Variants in SYT13 observed in about 807,000 individuals in gnomAD.
SYT13 encodes the protein synaptotagmin-13.
A neutral mutation model predicts 38.6 loss-of-function variants in SYT13; 21 were observed. The observed-to-expected ratio is 0.54, with a 90% CI of 0.39 to 0.78. The LOEUF is 0.78. SYT13 is among the 30% of genes least tolerant of loss of function. SYT13 has a pLI of 0.00. For missense variants in SYT13, 495 were observed against 548.7 expected, an observed-to-expected ratio of 0.90 and a Z score of 0.98; for synonymous variants, 241 against 237.6, an observed-to-expected ratio of 1.01 and a Z score of -0.13.
chr11:45,269,362 A>G, intron 1 of SYT13: 2 of 936,056 alleles, frequency 2.1e-6, no homozygotes, highest in East Asian at 1.1e-4. Flanking sequence ...ACAAACAAAC[A>G]AAAAACTCCG....
At chr11:45,267,736 C>A (rs1226862449) in intron 1 of SYT13, among the ~76,000 whole-genome samples, 1 of 152,166 alleles carries the variant, frequency 6.6e-6, no homozygotes, top group Non-Finnish European at 1.5e-5. Context: ...AATTGTGAAG[C>A]CATGTGCCCT....
intron 1 of SYT13, among the ~76,000 whole-genome samples, chr11:45,259,654 C>G (rs766596269): frequency 6.6e-5 from 10 of 152,188 alleles, no homozygotes; most frequent in Non-Finnish European, 1.3e-4. Flanking sequence ...CCATCCCATC[C>G]CCAGCTCCCA....
At chr11:45,275,711 G>T (rs539606193) in intron 1 of SYT13, among the ~76,000 whole-genome samples, 145 of 152,280 alleles carry the variant, frequency 9.5e-4, no homozygotes, top group Non-Finnish European at 1.8e-3. Context: ...CTGGAGAGGG[G>T]CAAGGCTCCT....
rs541832670 is a variant in SYT13, at chr11:45,269,642, G to A, written c.184-13751C>T. ...ACCTAATTATTTTTACTACAGAGGA[G>A]GAAACTGAGGCTCAGAGAGATTGAA... On this transcript the variant is annotated intron_variant, in intron 1 of 5. Coordinates refer to ENST00000020926, the MANE Select transcript of SYT13 (RefSeq NM_020826.3). 5.2e-4 allele frequency: 189 copies of A among 362,612 alleles called. 1 individual carries two copies. The highest frequency in any genetic ancestry group is 4.5e-3 in the South Asian group (184 of 41,172). 22.5% of individuals were successfully genotyped at this position (362,612 alleles called of 1,614,324 possible). A position where few individuals can be genotyped will look rare whatever the true frequency, so the allele number is the denominator to read the frequency against.
intron 4 of SYT13, among the ~76,000 whole-genome samples, chr11:45,251,592 C>G (rs1306144845): frequency 6.6e-6 from 1 of 152,084 alleles, no homozygotes; most frequent in Non-Finnish European, 1.5e-5. Flanking sequence ...CAAGGAACCA[C>G]AGTGCAGGCC....
In SYT13 at chr11:45,246,469, T is replaced by C; in HGVS notation, c.890A>G (p.Tyr297Cys). The C allele has an allele frequency of 6.2e-7, 1 of 1,613,866 alleles. No individual in the cohort carries two copies. Among genetic ancestry groups the C allele is most frequent in the Non-Finnish European group, 8.5e-7 (1 of 1,179,972 alleles). Reference sequence around the variant, plus strand: ...CAGGAGGCGGTTGGCAGCCGGGAGGTAGCTGATGGATAGTAGGACCTCTCC... The same window carrying C: ...CAGGAGGCGGTTGGCAGCCGGGAGGCAGCTGATGGATAGTAGGACCTCTCC... ...GAGEVLLSIS[Y>C]LPAANRLLVV... The change falls in exon 5 of 6, where the codon TAC becomes TGC. Residue 297 changes from tyrosine (Y) to cysteine (C), a missense_variant. Physicochemically the swap from Tyr to Cys is radical, Grantham distance 194 (BLOSUM62 -2). Transcript: ENST00000020926.
At chr11:45,285,544 T>G (rs530776109) in intron 1 of SYT13, among the ~76,000 whole-genome samples, 38 of 152,238 alleles carry the variant, frequency 2.5e-4, no homozygotes, top group Admixed American at 1.1e-3. Flanking sequence ...TTCTCAGCTC[T>G]GGCAGGACTT....
chr11:45,258,973 G>A (rs1300867417), intron 1 of SYT13, among the ~76,000 whole-genome samples: 1 of 152,140 alleles, frequency 6.6e-6, no homozygotes, highest in Admixed American at 6.5e-5. Flanking sequence ...GGAAGCTCAC[G>A]ATCATACAAC....
At chr11:45,255,608 A>G (rs548469468) in intron 2 of SYT13, 58 bp downstream of exon 2, 2 of 1,530,850 alleles carry the variant, frequency 1.3e-6, no homozygotes, top group South Asian at 1.2e-5. Flanking sequence ...CTACAGAGAC[A>G]TTGACAAGCC....
chr11:45,246,785 C>T (rs142215528), intron 4 of SYT13, among the ~76,000 whole-genome samples: 250 of 152,228 alleles, frequency 1.6e-3, no homozygotes, highest in Non-Finnish European at 2.8e-3. Flanking sequence ...CAAAACAGAA[C>T]AAAGAAAGGC....
At position 45,286,006 on chromosome 11, in the gene SYT13, G is replaced by A; in HGVS notation, c.183+19C>T. The A allele has an allele frequency of 6.3e-7, 1 of 1,598,956 alleles. No homozygotes were observed. Among genetic ancestry groups the A allele is most frequent in the Non-Finnish European group, 8.5e-7 (1 of 1,177,528 alleles). ...ACCCCGCCTTGCCCGGGAAGGGCCT[G>A]CGCGCCGCCCCCGCTCACCTGTTGT... On this transcript the variant is annotated intron_variant, in intron 1 of 5. Coordinates refer to ENST00000020926, the MANE Select transcript of SYT13 (RefSeq NM_020826.3).
Position 45,252,001 on chromosome 11 carries a change from C to T in SYT13, c.846+420G>A, listed in dbSNP as rs1438670006. Among the ~76,000 whole-genome samples, 1 of 152,228 alleles carries T rather than the reference C, an allele frequency of 6.6e-6. No individual in the cohort carries two copies. The highest frequency in any genetic ancestry group is 2.4e-5 in the African/African-American group (1 of 41,462). On this transcript the variant is annotated intron_variant, in intron 4 of 5. Transcript: ENST00000020926. This position sits in a 1 kb window ranked among gnomAD's most constrained non-coding sequence, Gnocchi z 4.3. ...GCCAATTTGTCCCCTAGTCTGTACA[C>T]TCCTGAGTGGTGGGGCTCCACCCTT...
At position 45,274,390 on chromosome 11, in the gene SYT13, A is replaced by G. The variant is rs190391335; in HGVS notation, c.183+11635T>C. ...AATCTGCTCCATTTGTTAGTAAGTA[A>G]GAGACGAGATCATTAGATGATGCAT... On this transcript the variant is annotated intron_variant, in intron 1 of 5. Transcript: ENST00000020926. 2.5e-3 allele frequency among the ~76,000 whole-genome samples: 375 copies of G among 152,316 alleles called. 4 individuals are homozygous for G. The highest frequency in any genetic ancestry group is 8.2e-3 in the African/African-American group (339 of 41,566).
intron 1 of SYT13, among the ~76,000 whole-genome samples, chr11:45,270,488 A>G (rs1182043051): frequency 6.6e-6 from 1 of 152,218 alleles, no homozygotes; most frequent in Admixed American, 6.5e-5. Context: ...TGAAACCATT[A>G]ACTAGGCCAA....
At chr11:45,269,784 G>A (rs1403483697) in intron 1 of SYT13, among the ~76,000 whole-genome samples, 1 of 152,146 alleles carries the variant, frequency 6.6e-6, no homozygotes, top group African/African-American at 2.4e-5. Flanking sequence ...TTGGGGTTGT[G>A]TCTCTGGATA....
Position 45,243,879 on chromosome 11 carries a change from C to T in SYT13, c.*173G>A. On this transcript the variant is annotated 3_prime_UTR_variant, in exon 6 of 6. Coordinates refer to ENST00000020926, the MANE Select transcript of SYT13 (RefSeq NM_020826.3). ...CAGTGTGACCCGCATATTCCATTTC[C>T]TGCTCTGTCTTGCTTATTTCTAAGA... is the stretch of plus-strand genomic sequence containing the variant. 3.0e-6 allele frequency: 2 copies of T among 677,774 alleles called. No homozygotes were observed. Among genetic ancestry groups the T allele is most frequent in the South Asian group, 3.9e-5 (2 of 50,694 alleles). 42.0% of individuals were successfully genotyped at this position (677,774 alleles called of 1,614,324 possible). A position where few individuals can be genotyped will look rare whatever the true frequency, so the allele number is the denominator to read the frequency against.
rs1854697359 is a variant in SYT13, at chr11:45,252,907, G to A, written c.545-185C>T. Among the ~76,000 whole-genome samples, 1 of 152,174 alleles carries A rather than the reference G, an allele frequency of 6.6e-6. No individual in the cohort carries two copies. Among genetic ancestry groups the A allele is most frequent in the African/African-American group, 2.4e-5 (1 of 41,446 alleles). On this transcript the variant is annotated intron_variant, in intron 3 of 5. Coordinates refer to ENST00000020926, the MANE Select transcript of SYT13 (RefSeq NM_020826.3). This position sits in a 1 kb window ranked among gnomAD's most constrained non-coding sequence, Gnocchi z 4.3. ...AGACATTTAGAAATAGATCATTTGA[G>A]GGGGCTGGCCTCAGCACATGCCGAT...
Position 45,286,012 on chromosome 11 carries a change from C to A in SYT13, c.183+13G>T, listed in dbSNP as rs751778924. The A allele has an allele frequency of 6.2e-7, 1 of 1,601,792 alleles. No homozygotes were observed. The highest frequency in any genetic ancestry group is 1.3e-5 in the African/African-American group (1 of 75,040). On this transcript the variant is annotated intron_variant, in intron 1 of 5. Coordinates refer to ENST00000020926, the MANE Select transcript of SYT13 (RefSeq NM_020826.3). ...CCTTGCCCGGGAAGGGCCTGCGCGC[C>A]GCCCCCGCTCACCTGTTGTGCAGAC...
rs560972364 is a variant in SYT13 at position 45,240,731 on chromosome 11, C to T, written c.*3321G>A. The T allele has an allele frequency of 4.6e-5, 7 of 152,306 alleles. No homozygotes were observed. In the East Asian group the frequency reaches 1.2e-3, roughly 25 times the overall value. The allele number at this position is 152,306 out of a possible 1,614,324, so 9.4% of individuals were successfully genotyped here. A position where few individuals can be genotyped will look rare whatever the true frequency, so the allele number is the denominator to read the frequency against. ...TCACAGATTAATGAGGGCAGACTCC[C>T]GATTTTCTATCCCCGTAGAAATCTC... On this transcript the variant is annotated 3_prime_UTR_variant, in exon 6 of 6. Transcript: ENST00000020926.
Sources: gnomAD v4.1 joint callset for allele counts (sites outside exome capture counted in the v4.1 genomes callset) on GRCh38, gnomAD v4.1.1 for gene constraint, Gnocchi (gnomAD v3.1) non-coding constraint, MANE v1.5 for transcripts, NCBI Gene and HGNC (gene_info 2026-07-23, HGNC 2026-07-21) for gene names.